PEPD: variants seen among roughly 807,000 people sequenced by gnomAD.
The protein encoded by PEPD is peptidase D.
In PEPD, 53 loss-of-function variants were observed where a neutral mutation model predicts 60.7. The ratio of observed to expected loss-of-function variants is 0.87; its 90% CI spans 0.70 to 1.10. PEPD has a LOEUF of 1.10. Among genes scored for constraint, PEPD ranks in the 50% least tolerant of loss-of-function variants. The pLI, the probability that PEPD is intolerant of heterozygous loss-of-function variation, is 0.00. For missense variants in PEPD, 711 were observed against 711.9 expected, an observed-to-expected ratio of 1.00 and a Z score of 0.01; for synonymous variants, 267 against 284.1, an observed-to-expected ratio of 0.94 and a Z score of 0.60.
intron 6 of PEPD, among the ~76,000 whole-genome samples, chr19:33,485,846 T>C (rs1432694902): frequency 6.6e-6 from 1 of 152,138 alleles, no homozygotes; most frequent in African/African-American, 2.4e-5. Flanking sequence ...TGTAAAATAC[T>C]GACCATATAC....
At chr19:33,496,905 C>T (rs1970617091) in intron 4 of PEPD, among the ~76,000 whole-genome samples, 1 of 152,366 alleles carries the variant, frequency 6.6e-6, no homozygotes, top group East Asian at 1.9e-4. Context: ...CCGCTTTTCG[C>T]AGGGTGATAA....
chr19:33,457,770 A>G (rs1969831687), intron 9 of PEPD, among the ~76,000 whole-genome samples: 2 of 152,260 alleles, frequency 1.3e-5, no homozygotes, highest in East Asian at 1.9e-4. Flanking sequence ...TCGGCCTCCC[A>G]AAGTGCTGGA....
Position 33,421,921 on chromosome 19 carries a change from G to A in PEPD, c.672-8278C>T, listed in dbSNP as rs112559303. ...GAGATGGCGATGGTGGCTGGGGATG[G>A]TGAATGGTGATGGTGGTCTGGCTGG... On this transcript the variant is annotated intron_variant, in intron 9 of 14. Coordinates refer to ENST00000244137, the MANE Select transcript of PEPD (RefSeq NM_000285.4). Among the ~76,000 whole-genome samples the A allele has an allele frequency of 2.6e-4, 39 of 152,192 alleles. 3 individuals carry two copies. The highest frequency in any genetic ancestry group is 8.7e-4 in the African/African-American group (36 of 41,518).
Position 33,463,865 on chromosome 19 carries a change from C to T in PEPD, c.624+122G>A, listed in dbSNP as rs113019010. 8.2e-3 allele frequency: 5,958 copies of T among 728,732 alleles called. 100 individuals are homozygous for T. The highest frequency in any genetic ancestry group is 9.7e-3 in the Non-Finnish European group (3,896 of 400,436). The allele number at this position is 728,732 out of a possible 1,614,324, so 45.1% of individuals were successfully genotyped here. A position where few individuals can be genotyped will look rare whatever the true frequency, so the allele number is the denominator to read the frequency against. ...AGAGAACAATCACTGTGTAAAACTT[C>T]CTACCTCTCACTTGGCCCTCAGGGA... On this transcript the variant is annotated intron_variant, in intron 8 of 14. Coordinates refer to ENST00000244137, the MANE Select transcript of PEPD (RefSeq NM_000285.4).
intron 9 of PEPD, among the ~76,000 whole-genome samples, chr19:33,441,450 T>C (rs533897102): frequency 1.3e-5 from 2 of 152,028 alleles, no homozygotes; most frequent in East Asian, 3.9e-4. Flanking sequence ...CCTGCAAGAG[T>C]GCACAGTCCC....
intron 7 of PEPD, among the ~76,000 whole-genome samples, chr19:33,471,902 C>T (rs1297664197): frequency 1.3e-5 from 2 of 151,982 alleles, no homozygotes; most frequent in Admixed American, 1.3e-4. Flanking sequence ...TGGCTCATGC[C>T]TGTAATCCCG....
intron 1 of PEPD, among the ~76,000 whole-genome samples, chr19:33,519,869 C>T (rs535437088): frequency 6.6e-5 from 10 of 152,180 alleles, no homozygotes; most frequent in Admixed American, 6.5e-4. Context: ...AGTTCGAGAC[C>T]AGTCTGGCCA....
At chr19:33,521,312 T>C (rs1302302944) in intron 1 of PEPD, among the ~76,000 whole-genome samples, 3 of 152,244 alleles carry the variant, frequency 2.0e-5, no homozygotes, top group Admixed American at 1.3e-4. Flanking sequence ...GGGTGACATT[T>C]GGCCCCTGAA....
intron 4 of PEPD, among the ~76,000 whole-genome samples, chr19:33,498,828 C>T (rs1272503160): frequency 6.6e-6 from 1 of 151,092 alleles, no homozygotes; most frequent in Non-Finnish European, 1.5e-5. Context: ...AGACAGGATC[C>T]TGGAGTCAGG....
chr19:33,504,165 G>C (rs1970759425), intron 3 of PEPD, among the ~76,000 whole-genome samples: 2 of 152,234 alleles, frequency 1.3e-5, no homozygotes, highest in East Asian at 1.9e-4. Context: ...GCTAATTATA[G>C]TAAAAACCAT....
At chr19:33,483,108 TAAAAA>T (rs1044380560) in intron 6 of PEPD, among the ~76,000 whole-genome samples, 4 of 152,030 alleles carry the variant, frequency 2.6e-5, no homozygotes, top group Admixed American at 1.3e-4. Flanking sequence ...GGCTCAAAGA[TAAAAA>T]TACAATGAAA....
rs576063215 is a variant in PEPD, at chr19:33,410,811, C to T, written c.818+861G>A. On this transcript the variant is annotated intron_variant, in intron 11 of 14. Transcript: ENST00000244137. ...GAAATGTCTGGAGGCCAAGACAGGGCCTGCGTGGCTGTGGCTGAGCCCCAG... is the reference window on the plus strand; with the variant it reads ...GAAATGTCTGGAGGCCAAGACAGGGTCTGCGTGGCTGTGGCTGAGCCCCAG... Among the ~76,000 whole-genome samples the T allele has an allele frequency of 6.6e-5, 10 of 152,278 alleles. No individual in the cohort carries two copies. The South Asian group carries it at 2.1e-3, about 32-fold the overall frequency.
intron 9 of PEPD, among the ~76,000 whole-genome samples, chr19:33,455,095 G>C (rs185796121): frequency 6.6e-6 from 1 of 152,202 alleles, no homozygotes; most frequent in African/African-American, 2.4e-5. Context: ...CTCCCAGATG[G>C]GATCCTGGAA....
chr19:33,451,034 G>C (rs1224285906), intron 9 of PEPD, among the ~76,000 whole-genome samples: 2 of 152,216 alleles, frequency 1.3e-5, no homozygotes, highest in Admixed American at 1.3e-4. Context: ...AATTAAAAGT[G>C]GGTATAAATA....
intron 1 of PEPD, among the ~76,000 whole-genome samples, chr19:33,517,402 T>C (rs138828382): frequency 0.033 from 4,949 of 150,978 alleles, 128 homozygotes; most frequent in Non-Finnish European, 0.052. Context: ...CTACTAAAAA[T>C]ACAAAAATTA....
chr19:33,514,457 T>C (rs2145358672), intron 1 of PEPD, among the ~76,000 whole-genome samples: 1 of 151,970 alleles, frequency 6.6e-6, no homozygotes, highest in East Asian at 2.0e-4. Flanking sequence ...TTCCGGATGG[T>C]CTTCCCCGGC....
intron 6 of PEPD, among the ~76,000 whole-genome samples, chr19:33,486,066 C>T (rs1970392362): frequency 1.3e-5 from 2 of 152,132 alleles, no homozygotes; most frequent in Admixed American, 6.5e-5. Flanking sequence ...GGTCAGTCTC[C>T]TGCTCTCAGG....
At chr19:33,464,874 C>G (rs1363272086) in intron 7 of PEPD, among the ~76,000 whole-genome samples, 1 of 152,022 alleles carries the variant, frequency 6.6e-6, no homozygotes, top group African/African-American at 2.4e-5. Flanking sequence ...AATAAGTATT[C>G]GTTTTCTACC....
intron 3 of PEPD, among the ~76,000 whole-genome samples, chr19:33,501,781 C>T (rs1416389727): frequency 1.3e-5 from 2 of 152,146 alleles, no homozygotes; most frequent in Admixed American, 1.3e-4. Flanking sequence ...TAGCTCACTG[C>T]AGCCTCAAAC....
Sources: allele counts gnomAD v4.1 joint callset (sites outside exome capture counted in the v4.1 genomes callset), GRCh38; gene constraint gnomAD v4.1.1; transcripts MANE v1.5; gene names NCBI Gene and HGNC (gene_info 2026-07-23, HGNC 2026-07-21).